The following RAPGEF6 variants were observed in gnomAD, a reference collection of about 807,000 sequenced individuals.
The protein encoded by RAPGEF6 is PDZ domain containing guanine nucleotide exchange factor (GEF) 2.
Under a neutral mutation model 171.4 loss-of-function variants are expected in RAPGEF6, and 56 were observed. The ratio of observed to expected loss-of-function variants is 0.33; its 90% CI spans 0.26 to 0.41. The LOEUF (loss-of-function observed/expected upper bound fraction) is 0.41. Ranked by LOEUF, RAPGEF6 falls within the 10% of genes least tolerant of loss-of-function variation. The pLI is 1.00. For synonymous variants in RAPGEF6, 692 were observed against 650.1 expected (o/e 1.06, Z -0.98); for missense variants, 1,674 against 1,921.4 (o/e 0.87, Z 2.41).
At chr5:131,530,369 C>A (rs770352038) in intron 6 of RAPGEF6, among the ~76,000 whole-genome samples, 27 of 152,022 alleles carry the variant, frequency 1.8e-4, no homozygotes, top group Non-Finnish European at 3.5e-4. Flanking sequence ...ATTTATGATT[C>A]ATTCTTCCCC....
intron 5 of RAPGEF6, among the ~76,000 whole-genome samples, chr5:131,557,068 CT>C (rs1761282347): frequency 6.6e-6 from 1 of 152,130 alleles, no homozygotes; most frequent in African/African-American, 2.4e-5. Flanking sequence ...CAACACCCAG[CT>C]TAAGTACTTC....
intron 23 of RAPGEF6, among the ~76,000 whole-genome samples, chr5:131,440,783 T>C (rs1468367271): frequency 3.4e-5 from 5 of 146,488 alleles, no homozygotes; most frequent in Non-Finnish European, 3.0e-5. Flanking sequence ...AGCTACATAG[T>C]ATAAGTAATG....
intron 6 of RAPGEF6, chr5:131,532,928 T>C (rs1580983397): frequency 6.6e-6 from 1 of 152,654 alleles, no homozygotes; most frequent in East Asian, 1.9e-4. Flanking sequence ...AAAGCAAGAC[T>C]GAATGTTAGT....
intron 6 of RAPGEF6, among the ~76,000 whole-genome samples, chr5:131,543,606 CT>C (rs1320896537): frequency 2.0e-5 from 3 of 152,154 alleles, no homozygotes; most frequent in African/African-American, 7.2e-5. Flanking sequence ...CAACCACCCC[CT>C]AAGACAGGCA....
intron 21 of RAPGEF6, among the ~76,000 whole-genome samples, chr5:131,452,470 AAG>A (rs1468036965): frequency 6.6e-6 from 1 of 152,316 alleles, no homozygotes; most frequent in East Asian, 1.9e-4. Flanking sequence ...ATTTGAGAAA[AAG>A]AAAAATGGTT....
chr5:131,623,588 C>T (rs968185421), intron 1 of RAPGEF6, among the ~76,000 whole-genome samples: 5 of 149,474 alleles, frequency 3.3e-5, no homozygotes, highest in Non-Finnish European at 5.9e-5. Context: ...AGGGTTCAAG[C>T]GACTCTTCTG....
At position 131,492,711 on chromosome 5, in the gene RAPGEF6, T is replaced by C. The variant is rs755823689; in HGVS notation, c.1602A>G (p.Gln534=). 45 of 1,614,002 alleles carry C rather than the reference T, an allele frequency of 2.8e-5. No individual in the cohort carries two copies. In the Admixed American group the frequency reaches 6.8e-4, roughly 25 times the overall value. The change falls in exon 14 of 28, where the codon CAA becomes CAG. Residue 534 remains glutamine, a synonymous_variant. Coordinates refer to ENST00000509018, the MANE Select transcript of RAPGEF6 (RefSeq NM_016340.6). The part of the protein sequence containing the change: ...AKAKWRQVVL[Q]KASRESPLQF... ...GTAGAGGGGACTCGCGGGAAGCCTT[T>C]TGCAGCACAACCTGTCTCCACTTAG...
At chr5:131,486,251 G>T (rs1387817579) in intron 15 of RAPGEF6, among the ~76,000 whole-genome samples, 1 of 152,184 alleles carries the variant, frequency 6.6e-6, no homozygotes, top group Non-Finnish European at 1.5e-5. Context: ...AATGGCCCTG[G>T]AAAAAGAGAC....
intron 6 of RAPGEF6, among the ~76,000 whole-genome samples, chr5:131,537,775 T>C (rs993825020): frequency 1.3e-5 from 2 of 152,094 alleles, no homozygotes; most frequent in African/African-American, 4.8e-5. Flanking sequence ...AGACAGAAAA[T>C]ATTTTGGGAA....
At chr5:131,498,878 C>T (rs888254471) in intron 11 of RAPGEF6, among the ~76,000 whole-genome samples, 1 of 152,184 alleles carries the variant, frequency 6.6e-6, no homozygotes, top group Admixed American at 6.5e-5. Flanking sequence ...TTCATCATAG[C>T]AGGACCTTTG....
intron 3 of RAPGEF6, among the ~76,000 whole-genome samples, chr5:131,597,792 G>T (rs1763988693): frequency 6.6e-6 from 1 of 152,120 alleles, no homozygotes; most frequent in Non-Finnish European, 1.5e-5. Context: ...GTGTTCCATT[G>T]CACAGTAGGA....
At chr5:131,483,826 C>T (rs1459206742) in intron 15 of RAPGEF6, among the ~76,000 whole-genome samples, 1 of 151,916 alleles carries the variant, frequency 6.6e-6, no homozygotes, top group Non-Finnish European at 1.5e-5. Context: ...AGAGGCCGGG[C>T]GTGGTGGCTC....
chr5:131,428,886 G>C lies in RAPGEF6; in HGVS notation c.4780+16C>G. 1 of 1,604,932 alleles carries C rather than the reference G, an allele frequency of 6.2e-7. No individual in the cohort carries two copies. The highest frequency in any genetic ancestry group is 8.5e-7 in the Non-Finnish European group (1 of 1,172,962). On this transcript the variant is annotated intron_variant, in intron 27 of 27. Transcript: ENST00000509018. ...GCAATTCATTTAAGAGCCTTTAAGA[G>C]AGCTTGTCAACATACCATCTGCTTC...
chr5:131,633,491 A>C (rs574216231), intron 1 of RAPGEF6, among the ~76,000 whole-genome samples: 1 of 152,300 alleles, frequency 6.6e-6, no homozygotes, highest in Non-Finnish European at 1.5e-5. Context: ...GCACTTTGGG[A>C]GGCCAACGCG....
intron 6 of RAPGEF6, among the ~76,000 whole-genome samples, chr5:131,522,837 C>G (rs1758590954): frequency 1.3e-5 from 2 of 152,122 alleles, no homozygotes; most frequent in Non-Finnish European, 2.9e-5. Context: ...CACTGGGACC[C>G]TGGAGAGTAA....
chr5:131,552,200 A>G (rs1232354637), intron 5 of RAPGEF6, among the ~76,000 whole-genome samples: 3 of 151,890 alleles, frequency 2.0e-5, no homozygotes, highest in Admixed American at 6.6e-5. Context: ...CCAAACAGCT[A>G]CACCCTCATT....
intron 26 of RAPGEF6, among the ~76,000 whole-genome samples, chr5:131,429,950 TGA>T (rs1751597391): frequency 6.6e-6 from 1 of 150,758 alleles, no homozygotes; most frequent in South Asian, 2.1e-4. Flanking sequence ...CTTGGGAGGC[TGA>T]GAGAGGAGAA....
intron 6 of RAPGEF6, among the ~76,000 whole-genome samples, chr5:131,545,446 A>G (rs1760458237): frequency 6.6e-6 from 1 of 152,160 alleles, no homozygotes. Flanking sequence ...ACTGCTGTCT[A>G]AAAGAAGAAA....
chr5:131,487,905 A>C (rs1255125936), intron 15 of RAPGEF6, among the ~76,000 whole-genome samples: 1 of 152,242 alleles, frequency 6.6e-6, no homozygotes, highest in East Asian at 1.9e-4. Context: ...CCATTTCTAC[A>C]AATATTTTAC....
Sources: allele counts gnomAD v4.1 joint callset (sites outside exome capture counted in the v4.1 genomes callset), GRCh38; gene constraint gnomAD v4.1.1; transcripts MANE v1.5; gene names NCBI Gene and HGNC (gene_info 2026-07-23, HGNC 2026-07-21).